Variants in VCL observed in about 807,000 individuals in gnomAD.
The protein encoded by VCL is epididymis luminal protein 114.
In VCL, 47 loss-of-function variants were observed where a neutral mutation model predicts 125.7. The ratio of observed to expected loss-of-function variants is 0.37; its 90% CI spans 0.30 to 0.48. The LOEUF (loss-of-function observed/expected upper bound fraction) is 0.48. VCL is among the 20% of genes least tolerant of loss of function. The pLI, the probability that VCL is intolerant of heterozygous loss-of-function variation, is 0.99. For missense variants in VCL, 1,069 were observed against 1,455.5 expected, an observed-to-expected ratio of 0.73 and a Z score of 4.32; for synonymous variants, 458 against 514.6, an observed-to-expected ratio of 0.89 and a Z score of 1.49.
chr10:74,093,817 A>G (rs1206430167), intron 10 of VCL, among the ~76,000 whole-genome samples: 2 of 152,140 alleles, frequency 1.3e-5, no homozygotes, highest in Non-Finnish European at 2.9e-5. Flanking sequence ...CAAAAAACAA[A>G]CAACAACAAA....
chr10:74,017,209 G>A (rs896711520), intron 1 of VCL, among the ~76,000 whole-genome samples: 3 of 150,250 alleles, frequency 2.0e-5, no homozygotes, highest in Non-Finnish European at 4.4e-5. Flanking sequence ...CACTACGCCC[G>A]GCTAATTTTT....
intron 16 of VCL, 24 bp downstream of exon 16, chr10:74,105,377 C>T (rs779135398): frequency 6.2e-7 from 1 of 1,611,722 alleles, no homozygotes; most frequent in African/African-American, 1.3e-5. Context: ...GGCACTATGT[C>T]TCACCTCCAC....
At chr10:74,023,075 T>G (rs1591656550) in intron 1 of VCL, among the ~76,000 whole-genome samples, 2 of 152,160 alleles carry the variant, frequency 1.3e-5, no homozygotes, top group South Asian at 4.1e-4. Flanking sequence ...GAAGTGAACT[T>G]GATATTTATT....
At chr10:74,098,159 G>A (rs1840000133) in intron 13 of VCL, among the ~76,000 whole-genome samples, 1 of 152,106 alleles carries the variant, frequency 6.6e-6, no homozygotes, top group African/African-American at 2.4e-5. Flanking sequence ...TATTCCTAGT[G>A]TGTATTTATA....
chr10:74,038,083 C>T (rs1450183253), intron 1 of VCL, among the ~76,000 whole-genome samples: 1 of 151,378 alleles, frequency 6.6e-6, no homozygotes, highest in Non-Finnish European at 1.5e-5. Context: ...CTGCAACCTC[C>T]TCCTCCCAGG....
At chr10:74,012,097 G>A (rs1840447149) in intron 1 of VCL, among the ~76,000 whole-genome samples, 1 of 152,174 alleles carries the variant, frequency 6.6e-6, no homozygotes, top group Non-Finnish European at 1.5e-5. Flanking sequence ...AGAAAGAAAT[G>A]GCACAGTTGT....
chr10:73,999,753 C>A (rs1840192018), intron 1 of VCL, among the ~76,000 whole-genome samples: 1 of 152,200 alleles, frequency 6.6e-6, no homozygotes, highest in African/African-American at 2.4e-5. Flanking sequence ...CACCACCGAC[C>A]AAATTCCTGA....
chr10:74,065,546 C>G (rs1564521813), intron 2 of VCL, among the ~76,000 whole-genome samples: 1 of 151,926 alleles, frequency 6.6e-6, no homozygotes, highest in Non-Finnish European at 1.5e-5. Flanking sequence ...ACATAATTAG[C>G]TGGGTATGAT....
intron 1 of VCL, among the ~76,000 whole-genome samples, chr10:74,020,840 C>CAAAAA (rs567412270): frequency 0.32 from 21,557 of 66,354 alleles, 5,119 homozygotes; most frequent in Non-Finnish European, 0.44. Flanking sequence ...GACCTTGTCT[C>CAAAAA]AAAAAAAAAA....
intron 13 of VCL, among the ~76,000 whole-genome samples, chr10:74,098,900 A>G (rs572424691): frequency 6.6e-6 from 1 of 152,110 alleles, no homozygotes; most frequent in African/African-American, 2.4e-5. Context: ...TTACCTCAGC[A>G]TATGTTGTCC....
chr10:74,076,936 T>C (rs1345091316), intron 6 of VCL: 2 of 152,676 alleles, frequency 1.3e-5, no homozygotes, highest in Non-Finnish European at 2.9e-5. Flanking sequence ...ATAAATGTTA[T>C]TGAACTTTAT....
At chr10:74,062,648 G>T (rs767319166) in intron 2 of VCL, among the ~76,000 whole-genome samples, 1 of 151,858 alleles carries the variant, frequency 6.6e-6, no homozygotes, top group Non-Finnish European at 1.5e-5. Flanking sequence ...GTGGTAGTGC[G>T]ATAATGGCTC....
At chr10:74,092,605 T>C (rs376194823) in intron 10 of VCL, among the ~76,000 whole-genome samples, 12 of 152,308 alleles carry the variant, frequency 7.9e-5, no homozygotes, top group African/African-American at 2.9e-4. Context: ...ACTTAGTTTA[T>C]TTATCTGGGG....
intron 2 of VCL, among the ~76,000 whole-genome samples, chr10:74,069,862 C>T (rs1184028643): frequency 6.6e-6 from 1 of 152,078 alleles, no homozygotes; most frequent in Non-Finnish European, 1.5e-5. Context: ...AAATGAATCC[C>T]CCGCCCAGCT....
At position 74,094,351 on chromosome 10, in the gene VCL, A is replaced by G. The variant is rs763235691; in HGVS notation, c.1433A>G (p.Asn478Ser). The part of the protein sequence containing the change: ...TALQNLQTKT[N>S]RAVANSRPAK... ...CTGCAGAACCTGCAGACCAAAACCA[A>G]CCGGGCTGTGGCCAACAGCAGACCG... The change falls in exon 11 of 22, where the codon AAC (asparagine) becomes AGC (serine). Residue 478 changes from asparagine (N) to serine (S), a missense_variant. Physicochemically the swap from Asn to Ser is conservative, Grantham distance 46. Around this residue, in one of 6 missense-constraint regions of VCL, gnomAD observed 760 missense variants for 928.9 expected, o/e 0.82. Transcript: ENST00000211998. 24 of 1,614,004 alleles carry G rather than the reference A, an allele frequency of 1.5e-5. 1 individual carries two copies. The highest frequency in any genetic ancestry group is 4.0e-5 in the African/African-American group (3 of 74,908).
chr10:74,019,621 A>G (rs1840623381), intron 1 of VCL, among the ~76,000 whole-genome samples: 2 of 152,078 alleles, frequency 1.3e-5, no homozygotes, highest in Non-Finnish European at 2.9e-5. Context: ...TAGAGAAAAG[A>G]CACATCTGCA....
intron 2 of VCL, among the ~76,000 whole-genome samples, chr10:74,052,920 C>T (rs1052380715): frequency 4.5e-5 from 6 of 133,518 alleles, no homozygotes; most frequent in African/African-American, 1.8e-4. Context: ...TAGGATAAAC[C>T]CTACCTGGCT....
intron 1 of VCL, among the ~76,000 whole-genome samples, chr10:74,032,232 T>C (rs1840887784): frequency 7.1e-6 from 1 of 140,574 alleles, no homozygotes; most frequent in African/African-American, 2.7e-5. Context: ...AGAGACTCTG[T>C]TTCAGAATAA....
intron 1 of VCL, 105 bp from the exon 2 acceptor site, chr10:74,042,978 T>G (rs1841123090): frequency 8.4e-7 from 1 of 1,195,832 alleles, no homozygotes; most frequent in Non-Finnish European, 1.2e-6. Flanking sequence ...TCTAGAAACT[T>G]TAATGATAGA....
Sources: gnomAD v4.1 joint callset for allele counts (sites outside exome capture counted in the v4.1 genomes callset) on GRCh38, gnomAD v4.1.1 for gene constraint, gnomAD v4.1.1 regional missense constraint, MANE v1.5 for transcripts, NCBI Gene and HGNC (gene_info 2026-07-23, HGNC 2026-07-21) for gene names.